CREB5: variants seen among roughly 807,000 people sequenced by gnomAD.
CREB5 encodes cAMP responsive element binding protein 5, also known as cyclic AMP-responsive element-binding protein 5.
A neutral mutation model predicts 57.1 loss-of-function variants in CREB5; 19 were observed. The ratio of observed to expected loss-of-function variants is 0.33; its 90% CI spans 0.23 to 0.49. The LOEUF (loss-of-function observed/expected upper bound fraction) is 0.49, where lower values mean the gene tolerates loss of function less well. Among genes scored for constraint, CREB5 ranks in the 20% least tolerant of loss-of-function variants. The probability of loss-of-function intolerance (pLI) is 0.99; values close to 1 mark genes in which losing one functional copy is unlikely to be tolerated. For missense variants in CREB5, 579 were observed against 671.6 expected, an observed-to-expected ratio of 0.86 and a Z score of 1.52; for synonymous variants, 238 against 238.3, an observed-to-expected ratio of 1.00 and a Z score of 0.01.
At chr7:28,484,899 A>C (rs962469841) in intron 1 of CREB5, among the ~76,000 whole-genome samples, 1 of 152,210 alleles carries the variant, frequency 6.6e-6, no homozygotes, top group Non-Finnish European at 1.5e-5. Context: ...AAGACAGTAG[A>C]ATCTATGTGG....
chr7:28,771,571 G>A (rs1019805372), intron 7 of CREB5, among the ~76,000 whole-genome samples: 3 of 152,142 alleles, frequency 2.0e-5, no homozygotes, highest in African/African-American at 7.2e-5. Flanking sequence ...CCCGGTACGT[G>A]TGAGGAGCAG....
intron 4 of CREB5, among the ~76,000 whole-genome samples, chr7:28,533,692 T>C (rs1486864410): frequency 1.3e-5 from 2 of 152,210 alleles, no homozygotes; most frequent in Non-Finnish European, 2.9e-5. Flanking sequence ...CTCAGTCCTG[T>C]ATTGGGCAGA....
At chr7:28,774,126 T>C (rs1481889116) in intron 7 of CREB5, among the ~76,000 whole-genome samples, 2 of 152,220 alleles carry the variant, frequency 1.3e-5, no homozygotes, top group African/African-American at 2.4e-5. Flanking sequence ...TATGAGTTAT[T>C]TTTTATGTTG....
intron 9 of CREB5, among the ~76,000 whole-genome samples, chr7:28,816,600 A>G (rs1012027319): frequency 6.6e-6 from 1 of 152,144 alleles, no homozygotes; most frequent in African/African-American, 2.4e-5. Flanking sequence ...TATTAATGTT[A>G]CTCAATATGT....
intron 7 of CREB5, among the ~76,000 whole-genome samples, chr7:28,792,177 GC>G (rs1299910547): frequency 6.6e-6 from 1 of 151,974 alleles, no homozygotes; most frequent in Admixed American, 6.6e-5. Context: ...GGTTACAATC[GC>G]CTGTAATCCC....
chr7:28,443,206 C>G (rs1583467277), intron 1 of CREB5, among the ~76,000 whole-genome samples: 4 of 152,304 alleles, frequency 2.6e-5, no homozygotes, highest in Admixed American at 2.6e-4. Flanking sequence ...ATGTTCATAT[C>G]ACTTCCTCTT....
intron 4 of CREB5, among the ~76,000 whole-genome samples, chr7:28,553,126 TC>T (rs1794735162): frequency 3.9e-5 from 6 of 152,186 alleles, no homozygotes; most frequent in Non-Finnish European, 8.8e-5. Context: ...AACAACTTCA[TC>T]CTACTTCTAT....
intron 5 of CREB5, among the ~76,000 whole-genome samples, chr7:28,704,526 A>G (rs888121908): frequency 9.9e-5 from 15 of 151,896 alleles, no homozygotes; most frequent in African/African-American, 3.1e-4. Flanking sequence ...TGACACGATC[A>G]TAGCTCACTG....
At chr7:28,477,325 C>T (rs1583512214) in intron 1 of CREB5, among the ~76,000 whole-genome samples, 1 of 152,206 alleles carries the variant, frequency 6.6e-6, no homozygotes, top group African/African-American at 2.4e-5. Context: ...CCTTCTCCAA[C>T]GTCCCCACTG....
At chr7:28,783,907 T>C (rs1807145473) in intron 7 of CREB5, among the ~76,000 whole-genome samples, 1 of 152,246 alleles carries the variant, frequency 6.6e-6, no homozygotes, top group African/African-American at 2.4e-5. Flanking sequence ...TCCCGGGCAA[T>C]GCTGGCCTGG....
chr7:28,515,016 C>A (rs1583563332), intron 4 of CREB5, among the ~76,000 whole-genome samples: 1 of 152,286 alleles, frequency 6.6e-6, no homozygotes. Context: ...TGTTTTCTTG[C>A]ACCAGCATTT....
intron 1 of CREB5, among the ~76,000 whole-genome samples, chr7:28,378,451 CTT>C (rs958225879): frequency 6.6e-6 from 1 of 152,014 alleles, no homozygotes; most frequent in Admixed American, 6.5e-5. Flanking sequence ...AAAAAAAACT[CTT>C]TTTAATTTTA....
chr7:28,433,735 TA>T (rs1237679077), intron 1 of CREB5, among the ~76,000 whole-genome samples: 1 of 152,134 alleles, frequency 6.6e-6, no homozygotes, highest in Non-Finnish European at 1.5e-5. Context: ...AAAAAGGGTT[TA>T]AAAATTTCTT....
intron 8 of CREB5, among the ~76,000 whole-genome samples, chr7:28,808,663 T>C (rs1461400678): frequency 6.6e-6 from 1 of 150,408 alleles, no homozygotes; most frequent in Non-Finnish European, 1.5e-5. Context: ...CTCAGCCTCC[T>C]GAGTAGCTAG....
Position 28,659,694 on chromosome 7 carries a change from A to G in CREB5, c.465-59059A>G, listed in dbSNP as rs57598498. Among the ~76,000 whole-genome samples the G allele has an allele frequency of 7.3e-3, 1,114 of 152,342 alleles. 16 individuals are homozygous for G. The highest frequency in any genetic ancestry group is 0.026 in the African/African-American group (1,080 of 41,578). ...CTAGATTAATTTGAATTAAATTTCA[A>G]TATGATTTTGATACTTCTAATGAAT... On this transcript the variant is annotated intron_variant, in intron 5 of 10. Transcript: ENST00000357727.
At chr7:28,613,357 G>A (rs1384844472) in intron 5 of CREB5, among the ~76,000 whole-genome samples, 5 of 152,206 alleles carry the variant, frequency 3.3e-5, no homozygotes, top group Non-Finnish European at 7.3e-5. Context: ...TGCAGTGAAG[G>A]CAGAAGCCTG....
chr7:28,792,340 T>TA (rs780096317), intron 7 of CREB5, among the ~76,000 whole-genome samples: 12 of 145,518 alleles, frequency 8.2e-5, no homozygotes, highest in South Asian at 2.2e-4. Flanking sequence ...TCATATCACA[T>TA]GGAAAAAAAA....
chr7:28,488,958 CTT>C (rs1236682532), intron 2 of CREB5, among the ~76,000 whole-genome samples: 1 of 152,206 alleles, frequency 6.6e-6, no homozygotes, highest in East Asian at 1.9e-4. Context: ...GAATCTATCT[CTT>C]TGAAAGAAAT....
At chr7:28,745,656 C>T (rs1314002959) in intron 7 of CREB5, among the ~76,000 whole-genome samples, 1 of 152,156 alleles carries the variant, frequency 6.6e-6, no homozygotes, top group Non-Finnish European at 1.5e-5. Context: ...CAGAGCAGAA[C>T]CCCAAGAGCT....
Sources: gnomAD v4.1 joint callset for allele counts (sites outside exome capture counted in the v4.1 genomes callset) on GRCh38, gnomAD v4.1.1 for gene constraint, MANE v1.5 for transcripts, NCBI Gene and HGNC (gene_info 2026-07-23, HGNC 2026-07-21) for gene names.